RAB11FIP5: variants seen among roughly 807,000 people sequenced by gnomAD.
RAB11FIP5 encodes the protein RAB11 family interacting protein 5.
A neutral mutation model predicts 85.1 loss-of-function variants in RAB11FIP5; 48 were observed. The ratio of observed to expected loss-of-function variants is 0.56; its 90% CI spans 0.45 to 0.72. RAB11FIP5 has a LOEUF of 0.72. Among genes scored for constraint, RAB11FIP5 ranks in the 30% least tolerant of loss-of-function variants. The pLI is 0.00. For synonymous variants in RAB11FIP5, 729 were observed against 727.3 expected (o/e 1.00, Z -0.04); for missense variants, 1,491 against 1,687.0 (o/e 0.88, Z 2.04).
At chr2:73,077,639 C>T (rs1276296505) in intron 4 of RAB11FIP5, among the ~76,000 whole-genome samples, 1 of 152,236 alleles carries the variant, frequency 6.6e-6, no homozygotes, top group Non-Finnish European at 1.5e-5. Context: ...ATTCTTCTGT[C>T]TGGAACAACA....
In RAB11FIP5 at chr2:73,080,703, T is replaced by TA; in HGVS notation, c.2528_2529insT (p.Ala844SerfsTer2). The TA allele has an allele frequency of 8.1e-7, 1 of 1,232,584 alleles. No individual in the cohort carries two copies. The highest frequency in any genetic ancestry group is 1.0e-6 in the Non-Finnish European group (1 of 988,110). 76.4% of individuals were successfully genotyped at this position (1,232,584 alleles called of 1,614,324 possible). On this transcript the variant is annotated frameshift_variant, in exon 4 of 6. Coordinates refer to ENST00000486777, the MANE Select transcript of RAB11FIP5 (RefSeq NM_001371272.1). LOFTEE classifies it high-confidence loss of function. ...GAAAGACTAGTGAGGCTGTCTCAGC[T>TA]GCAGGAGAAATGGTGACCACATCCC...
chr2:73,101,834 A>G (rs1684436491), intron 1 of RAB11FIP5, among the ~76,000 whole-genome samples: 1 of 152,216 alleles, frequency 6.6e-6, no homozygotes, highest in African/African-American at 2.4e-5. Flanking sequence ...TTAAAGGCAC[A>G]GGGCATGAGT....
At chr2:73,104,429 G>A (rs1684485483) in intron 1 of RAB11FIP5, among the ~76,000 whole-genome samples, 1 of 152,118 alleles carries the variant, frequency 6.6e-6, no homozygotes, top group Non-Finnish European at 1.5e-5. Context: ...TTAGCTGGGC[G>A]TGGTGGCACG....
At chr2:73,106,969 T>C (rs1684540396) in intron 1 of RAB11FIP5, among the ~76,000 whole-genome samples, 1 of 152,154 alleles carries the variant, frequency 6.6e-6, no homozygotes, top group Admixed American at 6.5e-5. Flanking sequence ...AGGCCCCACT[T>C]ACTGCTCCTG....
chr2:73,112,766 C>T lies in RAB11FIP5; in HGVS notation c.12G>A (p.Val4=). ...GCCCCGCCGCCGGCTCCGCGCCCCGCACCAGGGCCATGGCGGAGAAGCGGG... is the reference window on the plus strand; with the variant it reads ...GCCCCGCCGCCGGCTCCGCGCCCCGTACCAGGGCCATGGCGGAGAAGCGGG... MAL[V]RGAEPAAGPS... The change falls in exon 1 of 6, where the codon GTG becomes GTA. Residue 4 remains valine (V), a synonymous_variant. Transcript: ENST00000486777. The T allele has an allele frequency of 6.9e-7, 1 of 1,450,570 alleles. No individual in the cohort carries two copies. The allele number at this position is 1,450,570 out of a possible 1,614,324, so 89.9% of individuals were successfully genotyped here.
intron 1 of RAB11FIP5, among the ~76,000 whole-genome samples, chr2:73,099,142 T>C (rs1207023804): frequency 1.3e-5 from 2 of 150,526 alleles, no homozygotes; most frequent in Admixed American, 1.3e-4. Context: ...CTCTGCCTCC[T>C]GAGTTCAAGC....
intron 1 of RAB11FIP5, among the ~76,000 whole-genome samples, 182 bp downstream of exon 1, chr2:73,112,165 C>A (rs1172765992): frequency 6.6e-6 from 1 of 152,218 alleles, no homozygotes. Context: ...CCCCACACAG[C>A]GCACGTTTGG....
intron 1 of RAB11FIP5, among the ~76,000 whole-genome samples, chr2:73,101,969 C>T (rs1038743035): frequency 1.3e-5 from 2 of 152,186 alleles, no homozygotes; most frequent in African/African-American, 4.8e-5. Flanking sequence ...GAGAAGACAG[C>T]CACATAGCTA....
chr2:73,099,995 G>C (rs971701241), intron 1 of RAB11FIP5, among the ~76,000 whole-genome samples: 2 of 152,196 alleles, frequency 1.3e-5, no homozygotes, highest in African/African-American at 4.8e-5. Context: ...ACTTAGTCAA[G>C]ACAATTGAGC....
chr2:73,107,149 T>C (rs1205136264), intron 1 of RAB11FIP5, among the ~76,000 whole-genome samples: 1 of 152,236 alleles, frequency 6.6e-6, no homozygotes, highest in Non-Finnish European at 1.5e-5. Flanking sequence ...GACTCACATG[T>C]GGACTCATTT....
chr2:73,099,877 C>G (rs376611511), intron 1 of RAB11FIP5, among the ~76,000 whole-genome samples: 4 of 152,212 alleles, frequency 2.6e-5, no homozygotes, highest in Non-Finnish European at 4.4e-5. Flanking sequence ...AAAGACAGGC[C>G]TTACCTCAGC....
At chr2:73,085,140 T>C (rs1289592747) in intron 3 of RAB11FIP5, among the ~76,000 whole-genome samples, 1 of 151,944 alleles carries the variant, frequency 6.6e-6, no homozygotes, top group Non-Finnish European at 1.5e-5. Context: ...GGGAGCACAT[T>C]ATAGTTACTC....
chr2:73,100,155 G>C (rs1684400036), intron 1 of RAB11FIP5, among the ~76,000 whole-genome samples: 1 of 152,126 alleles, frequency 6.6e-6, no homozygotes, highest in Non-Finnish European at 1.5e-5. Context: ...AGACTCTGGG[G>C]CTCCAGAGGA....
intron 3 of RAB11FIP5, among the ~76,000 whole-genome samples, chr2:73,085,513 G>A (rs1684076578): frequency 6.6e-6 from 1 of 152,162 alleles, no homozygotes; most frequent in Non-Finnish European, 1.5e-5. Context: ...AGCCTGTGCT[G>A]CAGCTCAGTG....
chr2:73,079,233 C>G (rs1298420021), intron 4 of RAB11FIP5, among the ~76,000 whole-genome samples: 1 of 152,152 alleles, frequency 6.6e-6, no homozygotes, highest in East Asian at 1.9e-4. Flanking sequence ...CTGCCACGGT[C>G]TGCCCCAAGA....
chr2:73,079,613 C>A (rs894984048), intron 4 of RAB11FIP5, 38 bp downstream of exon 4: 9 of 1,232,626 alleles, frequency 7.3e-6, no homozygotes, highest in African/African-American at 1.5e-5. Context: ...CTGTCCACCC[C>A]CTTCCTCCTG....
Position 73,089,291 on chromosome 2 carries a change from T to G in RAB11FIP5, c.456A>C (p.Pro152=). Residue 152 remains proline, a synonymous_variant, in exon 2 of 6, where the codon CCA becomes CCC. Transcript: ENST00000486777. This position sits in a 1 kb window ranked among gnomAD's most constrained non-coding sequence, Gnocchi z 4.6. ...CGCCGCGTTCCTTCTCCTTCTTGCC[T>G]GGCTTGGAGTGCAGCTTGTACCACC... The part of the protein sequence containing the change: ...HTQWYKLHSK[P]GKKEKERGEI... 6.2e-7 allele frequency: 1 copy of G among 1,613,972 alleles called. No individual in the cohort carries two copies. Among genetic ancestry groups the G allele is most frequent in the Non-Finnish European group, 8.5e-7 (1 of 1,179,994 alleles).
In RAB11FIP5 at chr2:73,089,038, G is replaced by A. The variant is rs759424713; in HGVS notation, c.709C>T (p.Arg237Cys). The change falls in exon 2 of 6, where the codon CGC becomes TGC. Residue 237 changes from arginine to cysteine, a missense_variant. This residue lies in a region of RAB11FIP5 where 1,211 missense variants were observed against 1,338.0 expected (regional missense o/e 0.91). Transcript: ENST00000486777. The surrounding 1 kb of genome is among the most constrained non-coding windows in gnomAD (Gnocchi z 4.6). ...AGGGACGACTTGCGCAGCTTGTTGCGGAGGAAGAAGCCTTTGGCTTTGCCC... is the reference window on the plus strand; with the variant it reads ...AGGGACGACTTGCGCAGCTTGTTGCAGAGGAAGAAGCCTTTGGCTTTGCCC... ...KMGKAKGFFL[R>C]NKLRKSSLTQ... The A allele has an allele frequency of 1.2e-4, 196 of 1,614,090 alleles. 2 individuals carry two copies. In the Admixed American group the frequency reaches 2.8e-3, roughly 23 times the overall value.
intron 1 of RAB11FIP5, among the ~76,000 whole-genome samples, chr2:73,090,867 C>A (rs920561854): frequency 6.6e-6 from 1 of 152,166 alleles, no homozygotes; most frequent in Non-Finnish European, 1.5e-5. Context: ...AGCAAGTGAA[C>A]CCTAACATAA....
Sources: gnomAD v4.1 joint callset for allele counts (sites outside exome capture counted in the v4.1 genomes callset) on GRCh38, gnomAD v4.1.1 for gene constraint, gnomAD v4.1.1 regional missense constraint, Gnocchi (gnomAD v3.1) non-coding constraint, MANE v1.5 for transcripts, NCBI Gene and HGNC (gene_info 2026-07-23, HGNC 2026-07-21) for gene names.